The following HNF4G variants were observed in gnomAD, a reference collection of about 807,000 sequenced individuals.
The protein encoded by HNF4G is hepatocyte nuclear factor 4 gamma.
A neutral mutation model predicts 50.9 loss-of-function variants in HNF4G; 21 were observed. The observed-to-expected ratio is 0.41, with a 90% CI of 0.29 to 0.59. The LOEUF (loss-of-function observed/expected upper bound fraction) is 0.59, where lower values mean the gene tolerates loss of function less well. Among genes scored for constraint, HNF4G ranks in the 20% least tolerant of loss-of-function variants. The pLI, the probability that HNF4G is intolerant of heterozygous loss-of-function variation, is 0.26. For missense variants in HNF4G, 527 were observed against 559.4 expected, an observed-to-expected ratio of 0.94 and a Z score of 0.58; for synonymous variants, 198 against 185.6, an observed-to-expected ratio of 1.07 and a Z score of -0.54.
At chr8:75,563,532 T>A (rs1388128136) in intron 9 of HNF4G, among the ~76,000 whole-genome samples, 1 of 152,134 alleles carries the variant, frequency 6.6e-6, no homozygotes, top group Non-Finnish European at 1.5e-5. Context: ...TCATCTAATA[T>A]GTCTGAATTA....
Position 75,543,946 on chromosome 8 carries a change from G to A in HNF4G, c.254G>A (p.Arg85His). Residue 85 changes from arginine to histidine, a missense_variant, in exon 2 of 10, where the codon CGC becomes CAC. Arg to His is a conservative substitution (Grantham distance 29). This residue lies in a region of HNF4G where 128 missense variants were observed against 135.3 expected (regional missense o/e 0.95). Transcript: ENST00000396423. ...GATGGGTGCAAGGGTTTCTTCAGAC[G>A]CAGCATTCGTAAGAGTCACGTTTAT... is the stretch of plus-strand genomic sequence containing the variant. ...SCDGCKGFFRRSIRKSHVYSC... is the reference protein window; with the variant it reads ...SCDGCKGFFRHSIRKSHVYSC... 1.2e-6 allele frequency: 2 copies of A among 1,600,944 alleles called. No homozygotes were observed. The highest frequency in any genetic ancestry group is 1.1e-5 in the South Asian group (1 of 89,002).
intron 1 of HNF4G, among the ~76,000 whole-genome samples, chr8:75,451,164 G>A (rs759692270): frequency 7.2e-5 from 11 of 151,846 alleles, no homozygotes; most frequent in Admixed American, 2.6e-4. Context: ...CTGGTCCTTC[G>A]CCCATTTTGG....
At chr8:75,522,008 C>T (rs777023347) in intron 2 of HNF4G, among the ~76,000 whole-genome samples, 2 of 152,154 alleles carry the variant, frequency 1.3e-5, no homozygotes, top group African/African-American at 2.4e-5. Context: ...TTTATACTTA[C>T]GATGTTTTCA....
chr8:75,549,675 T>C (rs1014079284), intron 3 of HNF4G, among the ~76,000 whole-genome samples: 75 of 151,852 alleles, frequency 4.9e-4, no homozygotes, highest in African/African-American at 1.7e-3. Flanking sequence ...TAGTTACATA[T>C]GTATACATGT....
chr8:75,545,679 G>A (rs1040282122), intron 2 of HNF4G, among the ~76,000 whole-genome samples: 1 of 151,928 alleles, frequency 6.6e-6, no homozygotes, highest in Non-Finnish European at 1.5e-5. Context: ...TCCTTCAAAA[G>A]CACTTTTAAT....
chr8:75,537,388 C>T (rs768519158), upstream of HNF4G, among the ~76,000 whole-genome samples: 9 of 151,944 alleles, frequency 5.9e-5, no homozygotes, highest in Non-Finnish European at 7.4e-5. Context: ...GGATTATAAG[C>T]GCATGCCACC....
At chr8:75,561,830 A>G (rs1420372618) in intron 9 of HNF4G, among the ~76,000 whole-genome samples, 1 of 152,214 alleles carries the variant, frequency 6.6e-6, no homozygotes, top group African/African-American at 2.4e-5. Flanking sequence ...GCAAATGACC[A>G]TATAAATACT....
chr8:75,429,084 T>A (rs997542158), intron 1 of HNF4G, among the ~76,000 whole-genome samples: 4 of 152,148 alleles, frequency 2.6e-5, no homozygotes, highest in Non-Finnish European at 5.9e-5. Context: ...AAATGGCAAG[T>A]GTGCGAGAAA....
chr8:75,425,852 C>T (rs1218064434), intron 1 of HNF4G, among the ~76,000 whole-genome samples: 1 of 151,980 alleles, frequency 6.6e-6, no homozygotes, highest in Admixed American at 6.6e-5. Context: ...CTGTCTTGAA[C>T]ATAGTTTACA....
At chr8:75,440,869 T>G (rs763189735) in intron 1 of HNF4G, among the ~76,000 whole-genome samples, 3 of 152,120 alleles carry the variant, frequency 2.0e-5, no homozygotes, top group Non-Finnish European at 2.9e-5. Flanking sequence ...TTATTCTTAT[T>G]ATTTTTGAGA....
At chr8:75,549,140 T>G (rs1214430816) in intron 3 of HNF4G, among the ~76,000 whole-genome samples, 1 of 152,192 alleles carries the variant, frequency 6.6e-6, no homozygotes, top group Admixed American at 6.5e-5. Flanking sequence ...AATAGGTAAA[T>G]TTTATCTTTT....
At chr8:75,453,435 C>G (rs1217906931) in intron 1 of HNF4G, among the ~76,000 whole-genome samples, 1 of 152,174 alleles carries the variant, frequency 6.6e-6, no homozygotes, top group African/African-American at 2.4e-5. Context: ...GATCAGCACT[C>G]TGTTAAATGG....
At chr8:75,466,386 A>C (rs1811972230) in intron 1 of HNF4G, among the ~76,000 whole-genome samples, 1 of 151,922 alleles carries the variant, frequency 6.6e-6, no homozygotes, top group African/African-American at 2.4e-5. Context: ...AATTTGTTTT[A>C]TTAGACTGTG....
chr8:75,468,827 A>T (rs1399469612), intron 1 of HNF4G, among the ~76,000 whole-genome samples: 1 of 151,980 alleles, frequency 6.6e-6, no homozygotes, highest in Non-Finnish European at 1.5e-5. Flanking sequence ...CCTCCCTATC[A>T]TCTAGAAAGC....
intron 1 of HNF4G, among the ~76,000 whole-genome samples, chr8:75,449,722 T>C (rs986502707): frequency 2.0e-5 from 3 of 152,004 alleles, no homozygotes; most frequent in Non-Finnish European, 4.4e-5. Flanking sequence ...TTAGCCCGGA[T>C]GGTCTCGATC....
At chr8:75,549,804 C>T (rs1806894706) in intron 3 of HNF4G, among the ~76,000 whole-genome samples, 1 of 152,016 alleles carries the variant, frequency 6.6e-6, no homozygotes, top group Non-Finnish European at 1.5e-5. Context: ...GTTCCCCTTC[C>T]TATGTCCATG....
chr8:75,528,724 T>C (rs1806245854), intron 2 of HNF4G, among the ~76,000 whole-genome samples: 1 of 152,212 alleles, frequency 6.6e-6, no homozygotes, highest in Admixed American at 6.5e-5. Flanking sequence ...TTTATGAAAC[T>C]GGTTCTCTAG....
At chr8:75,555,729 G>C (rs983434414) in intron 5 of HNF4G, among the ~76,000 whole-genome samples, 1 of 145,764 alleles carries the variant, frequency 6.9e-6, no homozygotes, top group African/African-American at 2.5e-5. Context: ...TAACTTGTCT[G>C]CTTTTTTTTT....
At chr8:75,475,977 C>T (rs1812229709) in intron 1 of HNF4G, among the ~76,000 whole-genome samples, 1 of 152,054 alleles carries the variant, frequency 6.6e-6, no homozygotes, top group Non-Finnish European at 1.5e-5. Flanking sequence ...GGGGCGTACA[C>T]ATGCAGGTTT....
Sources: gnomAD v4.1 joint callset for allele counts (sites outside exome capture counted in the v4.1 genomes callset) on GRCh38, gnomAD v4.1.1 for gene constraint, gnomAD v4.1.1 regional missense constraint, MANE v1.5 for transcripts, NCBI Gene and HGNC (gene_info 2026-07-23, HGNC 2026-07-21) for gene names.